Variants in VPS52 observed in about 807,000 individuals in gnomAD.
VPS52 encodes vacuolar protein sorting-associated protein 52 homolog.
Under a neutral mutation model 98.7 loss-of-function variants are expected in VPS52, and 56 were observed. The observed-to-expected ratio is 0.57, with a 90% CI of 0.46 to 0.71. The LOEUF is 0.71. VPS52 is among the 30% of genes least tolerant of loss of function. The pLI, the probability that VPS52 is intolerant of heterozygous loss-of-function variation, is 0.00. For synonymous variants in VPS52, 348 were observed against 346.4 expected, an observed-to-expected ratio of 1.00 and a Z score of -0.05; for missense variants, 742 against 925.9, an observed-to-expected ratio of 0.80 and a Z score of 2.58.
chr6:33,268,464 C>T lies in VPS52; in HGVS notation c.699+35G>A. The T allele has an allele frequency of 6.4e-7, 1 of 1,556,782 alleles. No individual in the cohort carries two copies. Among genetic ancestry groups the T allele is most frequent in the Non-Finnish European group, 8.7e-7 (1 of 1,150,104 alleles). Reference sequence around the variant, plus strand: ...GTGAAGATCTTGGGAAGGCTGCTTCCAGTAGCCTCCAGGGTATCCATCCCT... The same window carrying T: ...GTGAAGATCTTGGGAAGGCTGCTTCTAGTAGCCTCCAGGGTATCCATCCCT... On this transcript the variant is annotated intron_variant, in intron 7 of 19. Transcript: ENST00000445902. This position sits in a 1 kb window ranked among gnomAD's most constrained non-coding sequence, Gnocchi z 4.0.
Position 33,264,227 on chromosome 6 carries a change from T to C in VPS52, c.1525-124A>G. On this transcript the variant is annotated intron_variant, in intron 14 of 19. Transcript: ENST00000445902. ...TACCTTCAGTCCCTCCTACCCACAG[T>C]GCACCACTCACCATGAGTTTCACCA... 3.3e-6 allele frequency: 5 copies of C among 1,535,112 alleles called. No homozygotes were observed. In the South Asian group the frequency reaches 4.7e-5, roughly 14 times the overall value.
intron 1 of VPS52, chr6:33,271,161 C>CAT: frequency 1.9e-6 from 1 of 539,702 alleles, no homozygotes; most frequent in East Asian, 3.1e-5. Context: ...CAATCTTACA[C>CAT]ATATTCATCT....
rs1280249376 is a variant in VPS52 at position 33,264,014 on chromosome 6, C to G, written c.1614G>C (p.Gln538His). Residue 538 changes from glutamine to histidine, a missense_variant, in exon 15 of 20, where the codon CAG becomes CAC. By Grantham distance (24) the Gln-to-His change is conservative. This residue lies in a region of VPS52 where 590 missense variants were observed against 793.3 expected (regional missense o/e 0.74). Coordinates refer to ENST00000445902, the MANE Select transcript of VPS52 (RefSeq NM_022553.6). ...PNERTMQLLG[Q>H]LQVEVENFVL... ...TCTCCTGTCCGACCCTCACCTGCAGCTGTCCCAGCAATTGCATGGTCCGTT... is the reference window on the plus strand; with the variant it reads ...TCTCCTGTCCGACCCTCACCTGCAGGTGTCCCAGCAATTGCATGGTCCGTT... 2 of 1,614,254 alleles carry G rather than the reference C, an allele frequency of 1.2e-6. No homozygotes were observed. Among genetic ancestry groups the G allele is most frequent in the African/African-American group, 1.3e-5 (1 of 75,068 alleles).
At chr6:33,256,463 C>CAAAAAAAAAAAAAAAAAAA (rs9280385) in intron 17 of VPS52, among the ~76,000 whole-genome samples, 9 of 83,746 alleles carry the variant, frequency 1.1e-4, no homozygotes, top group South Asian at 4.1e-4. Flanking sequence ...AAACCTGTCT[C>CAAAAAAAAAAAAAAAAAAA]AAAAAAAAAA....
At position 33,267,420 on chromosome 6, in the gene VPS52, G is replaced by T; in HGVS notation, c.992-99C>A. 6.7e-7 allele frequency: 1 copy of T among 1,500,974 alleles called. No homozygotes were observed. 93.0% of individuals were successfully genotyped at this position (1,500,974 alleles called of 1,614,324 possible). A position where few individuals can be genotyped will look rare whatever the true frequency, so the allele number is the denominator to read the frequency against. Reference sequence around the variant, plus strand: ...CAGACAGGCAGACGTGGCCTAGCCAGCCCTCTTTCCCAGTACTAGGGCCCC... The same window carrying T: ...CAGACAGGCAGACGTGGCCTAGCCATCCCTCTTTCCCAGTACTAGGGCCCC... On this transcript the variant is annotated intron_variant, in intron 10 of 19. Coordinates refer to ENST00000445902, the MANE Select transcript of VPS52 (RefSeq NM_022553.6). This position sits in a 1 kb window ranked among gnomAD's most constrained non-coding sequence, Gnocchi z 4.2.
intron 17 of VPS52, among the ~76,000 whole-genome samples, chr6:33,258,386 CA>C (rs9280387): frequency 0.32 from 28,437 of 88,342 alleles, 4,714 homozygotes; most frequent in African/African-American, 0.59. Flanking sequence ...AACTCCATCT[CA>C]AAAAAAAAAA....
At chr6:33,261,179 G>A (rs1367348413) in intron 17 of VPS52, among the ~76,000 whole-genome samples, 3 of 152,032 alleles carry the variant, frequency 2.0e-5, no homozygotes, top group Non-Finnish European at 2.9e-5. Flanking sequence ...GGAAAAGATA[G>A]TCTCTTGGTC....
intron 17 of VPS52, among the ~76,000 whole-genome samples, chr6:33,258,019 C>G (rs1763195445): frequency 6.6e-6 from 1 of 151,970 alleles, no homozygotes; most frequent in African/African-American, 2.4e-5. Flanking sequence ...TTACTAAAAA[C>G]AAAGACATAA....
intron 17 of VPS52, among the ~76,000 whole-genome samples, chr6:33,258,090 A>C (rs994719663): frequency 5.9e-5 from 9 of 151,824 alleles, no homozygotes; most frequent in African/African-American, 2.2e-4. Context: ...TCAAAAAGCA[A>C]CATTAAAAAA....
chr6:33,269,393 C>A (rs1745599657), intron 5 of VPS52, 97 bp downstream of exon 5: 2 of 1,530,964 alleles, frequency 1.3e-6, no homozygotes, highest in East Asian at 2.3e-5. Context: ...ATGACCCTAA[C>A]CTGTCCCCAT....
In VPS52 at chr6:33,265,259, A is replaced by G. The variant is rs146144695; in HGVS notation, c.1282-359T>C. Among the ~76,000 whole-genome samples, 1,136 of 152,264 alleles carry G rather than the reference A, an allele frequency of 7.5e-3. 17 individuals are homozygous for G. The highest frequency in any genetic ancestry group is 0.026 in the African/African-American group (1,067 of 41,556). Reference sequence around the variant, plus strand: ...GCCCGACTAATTTTTGTATTTTAGTAGAGATGGGGTTTCATCATGTTGGTC... The same window carrying G: ...GCCCGACTAATTTTTGTATTTTAGTGGAGATGGGGTTTCATCATGTTGGTC... On this transcript the variant is annotated intron_variant, in intron 12 of 19. Transcript: ENST00000445902.
intron 1 of VPS52, 175 bp downstream of exon 1, chr6:33,271,411 A>G (rs1322132655): frequency 3.3e-6 from 3 of 922,934 alleles, no homozygotes; most frequent in East Asian, 2.6e-5. Context: ...CATGAGTTTC[A>G]GCCACTAGGG....
chr6:33,258,140 C>G (rs191004586), intron 17 of VPS52, among the ~76,000 whole-genome samples: 3 of 152,198 alleles, frequency 2.0e-5, no homozygotes, highest in Admixed American at 6.5e-5. Context: ...GTAATCCCAG[C>G]ATTTTGGGAG....
chr6:33,271,096 A>C, intron 1 of VPS52: 1 of 330,602 alleles, frequency 3.0e-6, no homozygotes. Flanking sequence ...CCTCTGGGGA[A>C]CCCCAGGCTT....
chr6:33,261,692 C>G (rs1763651820), intron 17 of VPS52, among the ~76,000 whole-genome samples: 1 of 152,080 alleles, frequency 6.6e-6, no homozygotes, highest in African/African-American at 2.4e-5. Context: ...AGCCATACCC[C>G]ACAAGCACAG....
intron 1 of VPS52, chr6:33,271,258 G>T: frequency 1.6e-6 from 1 of 609,178 alleles, no homozygotes; most frequent in Non-Finnish European, 2.9e-6. Flanking sequence ...TGGTTAACTT[G>T]CCCAAGGGCA....
In VPS52 at chr6:33,264,469, A is replaced by G; in HGVS notation, c.1429T>C (p.Trp477Arg). ...TCCAGGATCAGTTCAAACCGTGGCC[A>G]TAGCAAGGCAAGCACCTGTTCCCAG... is the stretch of plus-strand genomic sequence containing the variant. Reference protein sequence around the residue: ...RYWEQVLALLWPRFELILEMN... With the variant: ...RYWEQVLALLRPRFELILEMN... The change falls in exon 14 of 20, where the codon TGG becomes CGG. Residue 477 changes from tryptophan to arginine, a missense_variant. By Grantham distance (101) the Trp-to-Arg change is moderately radical (BLOSUM62 -3). Transcript: ENST00000445902. 2 of 1,614,208 alleles carry G rather than the reference A, an allele frequency of 1.2e-6. No homozygotes were observed. Among genetic ancestry groups the G allele is most frequent in the Non-Finnish European group, 1.7e-6 (2 of 1,180,044 alleles).
chr6:33,263,414 C>CACACACACACACACACAG (rs142124369), intron 17 of VPS52, 70 bp downstream of exon 17: 48,899 of 925,914 alleles, frequency 0.053, 1,451 homozygotes, highest in East Asian at 0.1. Context: ...CACACACACA[C>CACACACACACACACACAG]AGAGAGAGAG....
Position 33,266,721 on chromosome 6 carries a change from G to C in VPS52, c.1126-9C>G. 1 of 1,599,918 alleles carries C rather than the reference G, an allele frequency of 6.3e-7. No homozygotes were observed. The highest frequency in any genetic ancestry group is 8.5e-7 in the Non-Finnish European group (1 of 1,173,344). ...AGGGCCTCAAATGGATACTGGGAGA[G>C]GAGGAGTAAAGAAGAAAAACAGAAG... On this transcript the variant is annotated splice_polypyrimidine_tract_variant and intron_variant, in intron 11 of 19. Coordinates refer to ENST00000445902, the MANE Select transcript of VPS52 (RefSeq NM_022553.6).
Sources: gnomAD v4.1 joint callset for allele counts (sites outside exome capture counted in the v4.1 genomes callset) on GRCh38, gnomAD v4.1.1 for gene constraint, gnomAD v4.1.1 regional missense constraint, Gnocchi (gnomAD v3.1) non-coding constraint, MANE v1.5 for transcripts, NCBI Gene and HGNC (gene_info 2026-07-23, HGNC 2026-07-21) for gene names.